RGS7: variants seen among roughly 807,000 people sequenced by gnomAD.
RGS7 encodes the protein regulator of G-protein signaling 7.
In RGS7, 27 loss-of-function variants were observed where a neutral mutation model predicts 81.1. The ratio of observed to expected loss-of-function variants is 0.33; its 90% CI spans 0.25 to 0.46. The LOEUF (loss-of-function observed/expected upper bound fraction) is 0.46, where lower values mean the gene tolerates loss of function less well. Ranked by LOEUF, RGS7 falls within the 20% of genes least tolerant of loss-of-function variation. The pLI is 1.00. For missense variants in RGS7, 396 were observed against 607.4 expected (o/e 0.65, Z 3.66); for synonymous variants, 208 against 207.7 (o/e 1.00, Z -0.01).
chr1:241,214,172 C>T (rs1202754283), intron 2 of RGS7, among the ~76,000 whole-genome samples: 1 of 152,128 alleles, frequency 6.6e-6, no homozygotes, highest in East Asian at 1.9e-4. Context: ...CTGAAGACCC[C>T]CTCCTTGAGC....
intron 2 of RGS7, among the ~76,000 whole-genome samples, chr1:241,254,622 G>T (rs564377383): frequency 2.0e-5 from 3 of 152,062 alleles, no homozygotes; most frequent in Non-Finnish European, 2.9e-5. Flanking sequence ...CGGGGATAAC[G>T]GTTTCAACAT....
At position 240,966,658 on chromosome 1, in the gene RGS7, G is replaced by A. The variant is rs777428141; in HGVS notation, c.226+16421C>T. 5.9e-5 allele frequency among the ~76,000 whole-genome samples: 9 copies of A among 152,210 alleles called. No homozygotes were observed. In the South Asian group the frequency reaches 1.2e-3, roughly 21 times the overall value. ...AACATTTTCCTGTAGTTGGGCAACC[G>A]CTCTCCTTGCTTTTACTTAGAGAAA... On this transcript the variant is annotated intron_variant, in intron 4 of 18. Coordinates refer to ENST00000440928, the MANE Select transcript of RGS7 (RefSeq NM_001364886.1).
At chr1:241,062,736 A>G (rs2061810316) in intron 3 of RGS7, among the ~76,000 whole-genome samples, 1 of 152,146 alleles carries the variant, frequency 6.6e-6, no homozygotes, top group Admixed American at 6.5e-5. Context: ...TCCTTAACCC[A>G]CTTATCCTGT....
intron 18 of RGS7, among the ~76,000 whole-genome samples, chr1:240,780,856 G>A (rs1162076925): frequency 6.7e-6 from 1 of 149,684 alleles, no homozygotes; most frequent in Non-Finnish European, 1.5e-5. Context: ...GGAGGTTGCA[G>A]TGAGTCGAGA....
intron 9 of RGS7, among the ~76,000 whole-genome samples, chr1:240,838,644 GA>G (rs201581564): frequency 6.9e-4 from 105 of 151,890 alleles, no homozygotes; most frequent in African/African-American, 2.3e-3. Context: ...CAGTGCTAGG[GA>G]AAAAAAATCT....
chr1:240,797,327 A>G (rs566768335), intron 18 of RGS7, among the ~76,000 whole-genome samples: 114 of 152,154 alleles, frequency 7.5e-4, no homozygotes, highest in African/African-American at 2.6e-3. Flanking sequence ...GACAGATGCT[A>G]TGGTTTTTCT....
intron 6 of RGS7, among the ~76,000 whole-genome samples, chr1:240,886,790 A>C (rs1040349379): frequency 6.6e-6 from 1 of 152,242 alleles, no homozygotes; most frequent in Non-Finnish European, 1.5e-5. Flanking sequence ...AGGCCCAGCA[A>C]CATGGGGAAG....
chr1:241,249,006 C>G (rs577231658), intron 2 of RGS7, among the ~76,000 whole-genome samples: 5 of 152,144 alleles, frequency 3.3e-5, no homozygotes, highest in Non-Finnish European at 7.4e-5. Context: ...TTTGTATAGT[C>G]TATATACAAG....
At chr1:241,076,153 T>A (rs992469079) in intron 3 of RGS7, among the ~76,000 whole-genome samples, 2 of 152,118 alleles carry the variant, frequency 1.3e-5, no homozygotes, top group Non-Finnish European at 2.9e-5. Flanking sequence ...GTACCTGGCA[T>A]GATGTATGCA....
intron 14 of RGS7, among the ~76,000 whole-genome samples, chr1:240,809,808 C>T (rs775600731): frequency 6.6e-6 from 1 of 151,942 alleles, no homozygotes; most frequent in Admixed American, 6.6e-5. Context: ...TCTATACTTA[C>T]TAAGGAAACA....
intron 2 of RGS7, among the ~76,000 whole-genome samples, chr1:241,330,087 C>T (rs1003257115): frequency 6.6e-6 from 1 of 152,032 alleles, no homozygotes; most frequent in Non-Finnish European, 1.5e-5. Context: ...CTACAGGTGC[C>T]CGGCACCACA....
At chr1:241,098,848 G>C (rs989375569) in intron 2 of RGS7, 86 bp from the exon 3 acceptor site, 92 of 947,732 alleles carry the variant, frequency 9.7e-5, no homozygotes, top group Non-Finnish European at 2.1e-5. Flanking sequence ...TTGTATTCCT[G>C]TTTTGCCCAA....
intron 2 of RGS7, among the ~76,000 whole-genome samples, chr1:241,273,556 T>G (rs1915869): frequency 6.6e-6 from 1 of 151,986 alleles, no homozygotes; most frequent in African/African-American, 2.4e-5. Flanking sequence ...TGCCTCCAAG[T>G]AGTGCTCTCT....
intron 3 of RGS7, among the ~76,000 whole-genome samples, chr1:240,984,161 G>T (rs1352830950): frequency 6.6e-6 from 1 of 152,116 alleles, no homozygotes; most frequent in East Asian, 1.9e-4. Flanking sequence ...TGAATTCTAG[G>T]CTAAAGAATT....
At chr1:241,274,151 G>A (rs1002981238) in intron 2 of RGS7, among the ~76,000 whole-genome samples, 1 of 152,188 alleles carries the variant, frequency 6.6e-6, no homozygotes, top group Non-Finnish European at 1.5e-5. Flanking sequence ...TGATATTAAG[G>A]TTAGAGTGGA....
At chr1:240,870,779 A>C (rs1045154840) in intron 6 of RGS7, among the ~76,000 whole-genome samples, 1 of 152,234 alleles carries the variant, frequency 6.6e-6, no homozygotes, top group Non-Finnish European at 1.5e-5. Flanking sequence ...TGTGAAAAGG[A>C]AATTATGAAT....
At position 241,129,165 on chromosome 1, in the gene RGS7, A is replaced by C. The variant is rs1558754374; in HGVS notation, c.79-30403T>G. Among the ~76,000 whole-genome samples, 3 of 152,082 alleles carry C rather than the reference A, an allele frequency of 2.0e-5. No homozygotes were observed. In the South Asian group the frequency reaches 6.2e-4, roughly 32 times the overall value. ...CCTCAGCCTCCATGCTATAAGTAAC[A>C]CTGAAATTCACCATAAGATTTTCTT... On this transcript the variant is annotated intron_variant, in intron 2 of 18. Coordinates refer to ENST00000440928, the MANE Select transcript of RGS7 (RefSeq NM_001364886.1).
chr1:240,787,732 G>A (rs1685303418), intron 18 of RGS7, among the ~76,000 whole-genome samples: 1 of 152,060 alleles, frequency 6.6e-6, no homozygotes, highest in Non-Finnish European at 1.5e-5. Flanking sequence ...TAAATTTAGT[G>A]GAAAGAAGGG....
chr1:241,294,550 T>A (rs951606259), intron 2 of RGS7, among the ~76,000 whole-genome samples: 3 of 152,196 alleles, frequency 2.0e-5, no homozygotes, highest in African/African-American at 7.2e-5. Flanking sequence ...TAGTATCGCC[T>A]AAGTGCAGGG....
Sources: allele counts gnomAD v4.1 joint callset (sites outside exome capture counted in the v4.1 genomes callset), GRCh38; gene constraint gnomAD v4.1.1; transcripts MANE v1.5; gene names NCBI Gene and HGNC (gene_info 2026-07-23, HGNC 2026-07-21).